TPM1: variants seen among roughly 807,000 people sequenced by gnomAD.
The protein encoded by TPM1 is tropomyosin 1.
A neutral mutation model predicts 42.9 loss-of-function variants in TPM1; 24 were observed. That is an observed-to-expected ratio of 0.56 (90% CI 0.41 to 0.79). The LOEUF is 0.79. Among genes scored for constraint, TPM1 ranks in the 30% least tolerant of loss-of-function variants. TPM1 has a pLI of 0.00. For missense variants in TPM1, 158 were observed against 351.8 expected (o/e 0.45, Z 4.41); for synonymous variants, 136 against 130.1 (o/e 1.05, Z -0.31).
intron 5 of TPM1, 75 bp from the exon 6 acceptor site, chr15:63,061,638 C>A: frequency 5.0e-6 from 7 of 1,397,500 alleles, no homozygotes; most frequent in Non-Finnish European, 5.1e-6. Flanking sequence ...TCATTTTTTC[C>A]CATCCCTCTC....
downstream of TPM1, chr15:63,070,924 C>T: frequency 7.1e-7 from 1 of 1,418,044 alleles, no homozygotes; most frequent in Non-Finnish European, 9.2e-7. Context: ...ATGCCCTCCC[C>T]TCCGTCTTAG....
In TPM1 at chr15:63,065,900, G is replaced by C; in HGVS notation, c.*1G>C. 1 of 1,601,988 alleles carries C rather than the reference G, an allele frequency of 6.2e-7. No homozygotes were observed. The highest frequency in any genetic ancestry group is 1.1e-5 in the South Asian group (1 of 90,400). ...CACCTTTTTATCTTCACGCAGATAAGTTTCTTTGCTTCACTTCTCCCAAGA... is the reference window on the plus strand; with the variant it reads ...CACCTTTTTATCTTCACGCAGATAACTTTCTTTGCTTCACTTCTCCCAAGA... On this transcript the variant is annotated 3_prime_UTR_variant, in exon 10 of 10. Coordinates refer to ENST00000403994, the MANE Select transcript of TPM1 (RefSeq NM_001018005.2).
chr15:63,056,800 G>A (rs2034873914), intron 2 of TPM1, 185 bp from the exon 3 acceptor site: 2 of 744,554 alleles, frequency 2.7e-6, no homozygotes, highest in Non-Finnish European at 2.4e-6. Context: ...GATGTTCACT[G>A]TATAAATCAA....
intron 1 of TPM1, chr15:63,043,666 T>C (rs1411106814): frequency 6.5e-7 from 1 of 1,537,590 alleles, no homozygotes; most frequent in East Asian, 2.4e-5. Flanking sequence ...TAACACCCGG[T>C]CCGTGCCGGC....
At chr15:63,048,871 G>A (rs1349974154) in intron 2 of TPM1, 2 of 890,252 alleles carry the variant, frequency 2.2e-6, no homozygotes, top group African/African-American at 1.7e-5. Context: ...CTCTGGGGAG[G>A]GGCCCGGCCT....
At chr15:63,062,840 T>G in intron 8 of TPM1, 195 bp downstream of exon 8, 1 of 1,529,906 alleles carries the variant, frequency 6.5e-7, no homozygotes, top group Non-Finnish European at 8.8e-7. Flanking sequence ...AGGTGACTAG[T>G]TAGCCACCAG....
At chr15:63,053,569 C>A in intron 2 of TPM1, among the ~76,000 whole-genome samples, 1 of 151,840 alleles carries the variant, frequency 6.6e-6, no homozygotes, top group Non-Finnish European at 1.5e-5. Flanking sequence ...TAGCCAGCTT[C>A]TTTGGGTGGT....
intron 3 of TPM1, 116 bp from the exon 4 acceptor site, chr15:63,059,447 C>T: frequency 1.4e-6 from 1 of 740,526 alleles, no homozygotes; most frequent in Non-Finnish European, 2.4e-6. Context: ...AAAAGTAGCT[C>T]TGTGCTCTAT....
Position 63,042,804 on chromosome 15 carries a change from C to A in TPM1, c.-26C>A. On this transcript the variant is annotated 5_prime_UTR_variant, in exon 1 of 10. Coordinates refer to ENST00000403994, the MANE Select transcript of TPM1 (RefSeq NM_001018005.2). The stretch of plus-strand genomic sequence containing the variant: ...GCTCGCCCCGCCGCTCCTGCTGCAG[C>A]CCCAGGGCCCCTCGCCGCCGCCACC... 3 of 1,600,192 alleles carry A rather than the reference C, an allele frequency of 1.9e-6. No individual in the cohort carries two copies. In the South Asian group the frequency reaches 3.3e-5, roughly 18 times the overall value.
intron 2 of TPM1, among the ~76,000 whole-genome samples, chr15:63,050,191 C>T (rs1372147948): frequency 2.0e-5 from 3 of 152,226 alleles, no homozygotes; most frequent in Non-Finnish European, 4.4e-5. Context: ...CCTGGCAGCC[C>T]AGTGCTCCTT....
chr15:63,064,823 C>T (rs999710877), intron 9 of TPM1: 17 of 537,160 alleles, frequency 3.2e-5, no homozygotes, highest in Middle Eastern at 9.1e-4. Context: ...AAAAATTAGC[C>T]GGGCGTGGTG....
rs1304677425 is a variant in TPM1, at chr15:63,048,809, G to T, written c.240+4657G>T. The T allele has an allele frequency of 3.4e-6, 5 of 1,463,044 alleles. No homozygotes were observed. The East Asian group carries it at 1.0e-4, about 30-fold the overall frequency. 90.6% of individuals were successfully genotyped at this position (1,463,044 alleles called of 1,614,324 possible). ...CCCCCCCCGCAGGCCCCGGTCCCTCGTCCCCACGCCTCCAGGGCGCACCTG... is the reference window on the plus strand; with the variant it reads ...CCCCCCCCGCAGGCCCCGGTCCCTCTTCCCCACGCCTCCAGGGCGCACCTG... On this transcript the variant is annotated intron_variant, in intron 2 of 9. Coordinates refer to ENST00000403994, the MANE Select transcript of TPM1 (RefSeq NM_001018005.2).
At chr15:63,061,085 A>C (rs1223925935) in intron 5 of TPM1, 146 bp downstream of exon 5, 2 of 1,445,324 alleles carry the variant, frequency 1.4e-6, no homozygotes, top group Non-Finnish European at 1.9e-6. Flanking sequence ...ACGAGTATGG[A>C]ACATGGAGGA....
At chr15:63,043,460 C>T in intron 1 of TPM1, 1 of 685,230 alleles carries the variant, frequency 1.5e-6, no homozygotes, top group Non-Finnish European at 2.6e-6. Flanking sequence ...CTTCTGTGTC[C>T]CCAAGTAGTG....
At position 63,048,689 on chromosome 15, in the gene TPM1, G is replaced by A. The variant is rs1195399529; in HGVS notation, c.240+4537G>A. ...CCCTGCAGCGCGAGCTGGACCACGA[G>A]AGGAAGCTGAGGGAGACCGTAAGGG... is the stretch of plus-strand genomic sequence containing the variant. On this transcript the variant is annotated intron_variant, in intron 2 of 9. Transcript: ENST00000403994. 1.9e-6 allele frequency: 3 copies of A among 1,539,046 alleles called. No individual in the cohort carries two copies. In the Admixed American group the frequency reaches 5.9e-5, roughly 30 times the overall value.
intron 1 of TPM1, chr15:63,043,789 G>A: frequency 6.5e-7 from 1 of 1,549,904 alleles, no homozygotes; most frequent in Non-Finnish European, 8.7e-7. Flanking sequence ...AGCTGCACAA[G>A]GCGGAGGACA....
chr15:63,049,698 C>G (rs1281233763), intron 2 of TPM1, among the ~76,000 whole-genome samples: 2 of 152,094 alleles, frequency 1.3e-5, no homozygotes, highest in East Asian at 3.9e-4. Context: ...GGCTGTATGG[C>G]TGGCCACAGA....
intron 2 of TPM1, chr15:63,048,010 C>A: frequency 3.3e-6 from 1 of 303,458 alleles, no homozygotes. Context: ...GGGGGTAGTG[C>A]TTGGGTTATA....
intron 2 of TPM1, among the ~76,000 whole-genome samples, chr15:63,053,854 G>C (rs773521766): frequency 6.6e-6 from 1 of 151,800 alleles, no homozygotes; most frequent in African/African-American, 2.4e-5. Flanking sequence ...GCTAATTTTT[G>C]TGTTTTTTGT....
Sources: gnomAD v4.1 joint callset for allele counts (sites outside exome capture counted in the v4.1 genomes callset) on GRCh38, gnomAD v4.1.1 for gene constraint, MANE v1.5 for transcripts, NCBI Gene and HGNC (gene_info 2026-07-23, HGNC 2026-07-21) for gene names.